Variants in HECW1 observed in about 807,000 individuals in gnomAD.
HECW1 encodes the protein HECT, C2 and WW domain containing E3 ubiquitin protein ligase 1, also known as E3 ubiquitin-protein ligase HECW1.
HECW1 carries 61 observed loss-of-function variants against 182.3 expected under a neutral mutation model. The observed-to-expected ratio is 0.33, with a 90% CI of 0.27 to 0.41. The LOEUF is 0.41. Among genes scored for constraint, HECW1 ranks in the 10% least tolerant of loss-of-function variants. The pLI, the probability that HECW1 is intolerant of heterozygous loss-of-function variation, is 1.00. For synonymous variants in HECW1, 859 were observed against 832.6 expected, an observed-to-expected ratio of 1.03 and a Z score of -0.55; for missense variants, 1,739 against 2,108.9, an observed-to-expected ratio of 0.82 and a Z score of 3.44.
intron 2 of HECW1, among the ~76,000 whole-genome samples, chr7:43,235,021 G>A (rs964006036): frequency 3.9e-5 from 6 of 152,136 alleles, no homozygotes; most frequent in South Asian, 2.1e-4. Context: ...CAGCAAATCC[G>A]GCCAATCCCC....
intron 2 of HECW1, among the ~76,000 whole-genome samples, chr7:43,167,378 C>G (rs962214333): frequency 2.6e-5 from 4 of 152,186 alleles, no homozygotes; most frequent in Admixed American, 6.5e-5. Flanking sequence ...GATTTTATCT[C>G]AAGATCCTTG....
chr7:43,262,247 C>CGTGTGT (rs10695541), intron 3 of HECW1, among the ~76,000 whole-genome samples: 20,907 of 149,510 alleles, frequency 0.14, 3,038 homozygotes, highest in African/African-American at 0.37. Flanking sequence ...TGTATGTGTG[C>CGTGTGT]GTGTGTGTGT....
intron 3 of HECW1, among the ~76,000 whole-genome samples, chr7:43,253,910 GA>G (rs1219191106): frequency 3.8e-4 from 55 of 143,078 alleles, no homozygotes; most frequent in Admixed American, 4.2e-4. Flanking sequence ...TTCCGTCTCA[GA>G]AAAAAAAAAA....
chr7:43,257,060 C>G (rs775744739), intron 3 of HECW1, among the ~76,000 whole-genome samples: 1 of 152,210 alleles, frequency 6.6e-6, no homozygotes, highest in Non-Finnish European at 1.5e-5. Context: ...CTCACTCATC[C>G]TTTTCATCAT....
At chr7:43,357,970 T>C (rs1440685578) in intron 5 of HECW1, among the ~76,000 whole-genome samples, 1 of 152,204 alleles carries the variant, frequency 6.6e-6, no homozygotes. Context: ...TGGCTCAAAA[T>C]ATGCACTGAT....
At chr7:43,330,627 C>T (rs1348313925) in intron 5 of HECW1, among the ~76,000 whole-genome samples, 10 of 152,178 alleles carry the variant, frequency 6.6e-5, no homozygotes, top group Admixed American at 2.6e-4. Flanking sequence ...GCCACAGAGT[C>T]ACAGAAGATA....
Position 43,251,912 on chromosome 7 carries a change from G to C in HECW1, c.27+7980G>C, listed in dbSNP as rs139747580. ...AGGTAGGTGTAGAAATTCAGCAATC[G>C]CAAGAGGCAGTGTCATTCATCCAAG... On this transcript the variant is annotated intron_variant, in intron 3 of 29. Coordinates refer to ENST00000395891, the MANE Select transcript of HECW1 (RefSeq NM_015052.5). Among the ~76,000 whole-genome samples the C allele has an allele frequency of 1.4e-4, 21 of 152,200 alleles. No homozygotes were observed. In the East Asian group the frequency reaches 3.3e-3, roughly 24 times the overall value.
intron 24 of HECW1, among the ~76,000 whole-genome samples, chr7:43,534,203 T>A (rs2081092304): frequency 6.6e-6 from 1 of 152,196 alleles, no homozygotes; most frequent in African/African-American, 2.4e-5. Flanking sequence ...CAGAGTATCA[T>A]TAGGTCTTTT....
intron 3 of HECW1, among the ~76,000 whole-genome samples, chr7:43,290,298 C>G (rs899708263): frequency 6.6e-6 from 1 of 152,212 alleles, no homozygotes; most frequent in South Asian, 2.1e-4. Flanking sequence ...TGTTATACCA[C>G]AGTCAGTTTG....
rs185015823 is a variant in HECW1, at chr7:43,281,362, G to C, written c.28-30401G>C. The stretch of plus-strand genomic sequence containing the variant: ...CTGGTGTCCAACAATAGCTGACATT[G>C]GGTGGACACCTGCTGTGTGCCAAGC... On this transcript the variant is annotated intron_variant, in intron 3 of 29. Transcript: ENST00000395891. Among the ~76,000 whole-genome samples the C allele has an allele frequency of 4.6e-5, 7 of 152,308 alleles. No individual in the cohort carries two copies. The East Asian group carries it at 1.3e-3, about 29-fold the overall frequency.
At chr7:43,244,311 G>A (rs1179025016) in intron 3 of HECW1, among the ~76,000 whole-genome samples, 1 of 152,204 alleles carries the variant, frequency 6.6e-6, no homozygotes, top group African/African-American at 2.4e-5. Context: ...AATAGGCCTT[G>A]AGACAAGAGC....
chr7:43,345,674 T>G (rs1326134734), intron 5 of HECW1, among the ~76,000 whole-genome samples: 1 of 152,088 alleles, frequency 6.6e-6, no homozygotes, highest in East Asian at 1.9e-4. Flanking sequence ...AGTGAGAACA[T>G]GCAATGTTTG....
At chr7:43,264,564 A>T (rs968502767) in intron 3 of HECW1, among the ~76,000 whole-genome samples, 1 of 152,018 alleles carries the variant, frequency 6.6e-6, no homozygotes, top group Non-Finnish European at 1.5e-5. Context: ...TACTATTGTC[A>T]GCCAGGCGCG....
intron 24 of HECW1, among the ~76,000 whole-genome samples, chr7:43,525,233 C>G (rs573443611): frequency 2.0e-5 from 3 of 152,164 alleles, no homozygotes; most frequent in South Asian, 4.1e-4. Context: ...AGGCTTGACT[C>G]TAAGTATGAA....
intron 3 of HECW1, among the ~76,000 whole-genome samples, chr7:43,293,010 G>A (rs1805589614): frequency 6.6e-6 from 1 of 152,032 alleles, no homozygotes; most frequent in South Asian, 2.1e-4. Flanking sequence ...GGATCATGAG[G>A]TCAGGAGATC....
At position 43,432,113 on chromosome 7, in the gene HECW1, C is replaced by A. The variant is rs533581117; in HGVS notation, c.802-5890C>A. The stretch of plus-strand genomic sequence containing the variant: ...AAAGTGCTGGGATTACAGGCATGAG[C>A]CACTGCACCCGGCCAGTTGTTTATT... On this transcript the variant is annotated intron_variant, in intron 8 of 29. Coordinates refer to ENST00000395891, the MANE Select transcript of HECW1 (RefSeq NM_015052.5). This position sits in a 1 kb window ranked among gnomAD's most constrained non-coding sequence, Gnocchi z 4.1. Among the ~76,000 whole-genome samples, 80 of 151,984 alleles carry A rather than the reference C, an allele frequency of 5.3e-4. 1 individual carries two copies. Among genetic ancestry groups the A allele is most frequent in the African/African-American group, 1.8e-3 (76 of 41,392 alleles).
At chr7:43,313,819 C>G (rs1002789634) in intron 4 of HECW1, among the ~76,000 whole-genome samples, 4 of 152,188 alleles carry the variant, frequency 2.6e-5, no homozygotes, top group African/African-American at 9.7e-5. Context: ...CTGCACCCTC[C>G]CTAGACTGGC....
chr7:43,237,466 G>A (rs1050718236), intron 2 of HECW1, among the ~76,000 whole-genome samples: 2 of 152,168 alleles, frequency 1.3e-5, no homozygotes, highest in Non-Finnish European at 2.9e-5. Context: ...GGAGCCAGGT[G>A]CCTGGCTCTG....
intron 8 of HECW1, among the ~76,000 whole-genome samples, chr7:43,417,083 T>C (rs1344879542): frequency 6.6e-6 from 1 of 152,218 alleles, no homozygotes; most frequent in Non-Finnish European, 1.5e-5. Flanking sequence ...GGAGTTTCAC[T>C]CTGGTCGCCC....
Sources: allele counts gnomAD v4.1 joint callset (sites outside exome capture counted in the v4.1 genomes callset), GRCh38; gene constraint gnomAD v4.1.1; non-coding constraint Gnocchi (gnomAD v3.1); transcripts MANE v1.5; gene names NCBI Gene and HGNC (gene_info 2026-07-23, HGNC 2026-07-21).